Variants in SLC24A2 observed in about 807,000 individuals in gnomAD.
The protein encoded by SLC24A2 is solute carrier family 24 member 2.
A neutral mutation model predicts 62.0 loss-of-function variants in SLC24A2; 36 were observed. The ratio of observed to expected loss-of-function variants is 0.58; its 90% CI spans 0.44 to 0.77. SLC24A2 has a LOEUF of 0.77. Ranked by LOEUF, SLC24A2 falls within the 30% of genes least tolerant of loss-of-function variation. SLC24A2 has a pLI of 0.00. For missense variants in SLC24A2, 846 were observed against 817.9 expected (o/e 1.03, Z -0.42); for synonymous variants, 358 against 294.0 (o/e 1.22, Z -2.23).
upstream of SLC24A2, chr9:19,789,044 C>T: frequency 1.4e-6 from 1 of 723,152 alleles, no homozygotes; most frequent in Non-Finnish European, 1.7e-6. Context: ...GACTGAGCCG[C>T]TGTGAGCCCG....
intron 2 of SLC24A2, among the ~76,000 whole-genome samples, chr9:19,703,479 G>A (rs1820416784): frequency 6.6e-6 from 1 of 152,142 alleles, no homozygotes; most frequent in Non-Finnish European, 1.5e-5. Flanking sequence ...AGGGACCAAA[G>A]TCATATATTT....
At chr9:19,715,386 G>T (rs1282419723) in intron 2 of SLC24A2, among the ~76,000 whole-genome samples, 1 of 152,154 alleles carries the variant, frequency 6.6e-6, no homozygotes, top group African/African-American at 2.4e-5. Context: ...GCTGGAGAGG[G>T]ACCGAGTATC....
At chr9:20,077,864 T>C in the SLC24A2 span, among the ~76,000 whole-genome samples, 2 of 152,216 alleles carry the variant, frequency 1.3e-5, no homozygotes, top group African/African-American at 4.8e-5. Context: ...AGGGTGACTT[T>C]TCTACCCATT....
rs569458031 is a variant in SLC24A2, at chr9:19,554,386, A to G, written c.1348-4118T>C. ...AGGCATTCTAAGCAATCTAGAGATG[A>G]TTTAAAGGATATGGGAGGATATATA... On this transcript the variant is annotated intron_variant, in intron 7 of 10. Transcript: ENST00000341998. 2.9e-3 allele frequency among the ~76,000 whole-genome samples: 437 copies of G among 152,328 alleles called. 3 individuals carry two copies. The highest frequency in any genetic ancestry group is 9.9e-3 in the African/African-American group (413 of 41,576).
the SLC24A2 span, among the ~76,000 whole-genome samples, chr9:20,055,477 T>A: frequency 6.6e-6 from 1 of 152,170 alleles, no homozygotes; most frequent in Non-Finnish European, 1.5e-5. Flanking sequence ...GTAAATTTCA[T>A]AACAACTCTT....
chr9:19,788,919 C>T lies in SLC24A2; in HGVS notation c.-188G>A, dbSNP rs1055022707. 5 of 985,094 alleles carry T rather than the reference C, an allele frequency of 5.1e-6. No homozygotes were observed. The highest frequency in any genetic ancestry group is 9.4e-5 in the South Asian group (2 of 21,284). 61.0% of individuals were successfully genotyped at this position (985,094 alleles called of 1,614,324 possible). Reference sequence around the variant, plus strand: ...ATGGGAGGACGCGCACACGGCGGGGCCCCCGAGCGCGGCCCGCCGCTCCAG... The same window carrying T: ...ATGGGAGGACGCGCACACGGCGGGGTCCCCGAGCGCGGCCCGCCGCTCCAG... On this transcript the variant is annotated 5_prime_UTR_variant, in exon 1 of 11. Coordinates refer to ENST00000341998, the MANE Select transcript of SLC24A2 (RefSeq NM_020344.4).
intron 2 of SLC24A2, among the ~76,000 whole-genome samples, chr9:19,641,834 A>G (rs1587082262): frequency 2.0e-5 from 3 of 152,304 alleles, no homozygotes; most frequent in South Asian, 2.1e-4. Flanking sequence ...TGGCACTACC[A>G]TTCTACTCAG....
the SLC24A2 span, among the ~76,000 whole-genome samples, chr9:20,213,874 A>G: frequency 6.6e-6 from 1 of 152,196 alleles, no homozygotes; most frequent in Non-Finnish European, 1.5e-5. Flanking sequence ...CAACATTGTA[A>G]GATAGGTATT....
At chr9:19,899,962 G>A in the SLC24A2 span, among the ~76,000 whole-genome samples, 2 of 152,182 alleles carry the variant, frequency 1.3e-5, no homozygotes, top group African/African-American at 4.8e-5. Context: ...TTCAAGATGA[G>A]ATGTGTGTGG....
the SLC24A2 span, among the ~76,000 whole-genome samples, chr9:19,946,257 C>T: frequency 6.6e-5 from 10 of 152,230 alleles, no homozygotes; most frequent in South Asian, 1.0e-3. Flanking sequence ...GAGTCTGATT[C>T]CTGCCTGACA....
intron 9 of SLC24A2, 142 bp from the exon 10 acceptor site, chr9:19,521,202 C>T: frequency 2.6e-6 from 2 of 766,600 alleles, no homozygotes; most frequent in Non-Finnish European, 4.5e-6. Flanking sequence ...ATGAATAAGC[C>T]ACAGTCATTG....
chr9:20,225,096 G>A, the SLC24A2 span, among the ~76,000 whole-genome samples: 1 of 151,968 alleles, frequency 6.6e-6, no homozygotes. Context: ...TTCCTTACAG[G>A]TTTTCCCTAG....
intron 2 of SLC24A2, among the ~76,000 whole-genome samples, chr9:19,636,319 C>CTTTTCTTTTCTTTTCT (rs1554690372): frequency 3.2e-4 from 14 of 43,466 alleles, no homozygotes; most frequent in Non-Finnish European, 4.1e-4. Context: ...CTTTTCTTTT[C>CTTTTCTTTTCTTTTCT]TTTCTTTCTT....
chr9:19,932,121 CA>C, the SLC24A2 span, among the ~76,000 whole-genome samples: 1 of 152,088 alleles, frequency 6.6e-6, no homozygotes, highest in Non-Finnish European at 1.5e-5. Flanking sequence ...AGAATAAATT[CA>C]TGCAGTAAAA....
chr9:19,896,488 C>G, the SLC24A2 span, among the ~76,000 whole-genome samples: 55 of 152,328 alleles, frequency 3.6e-4, no homozygotes, highest in African/African-American at 1.3e-3. Context: ...ATTATCATCT[C>G]CAGCATACAT....
chr9:20,075,479 T>C, the SLC24A2 span, among the ~76,000 whole-genome samples: 1 of 152,222 alleles, frequency 6.6e-6, no homozygotes, highest in Non-Finnish European at 1.5e-5. Flanking sequence ...AACTTGTGGA[T>C]GGCCAATCAA....
the SLC24A2 span, among the ~76,000 whole-genome samples, chr9:19,940,482 T>C: frequency 6.6e-6 from 1 of 152,236 alleles, no homozygotes; most frequent in South Asian, 2.1e-4. Context: ...GTCAACTTCC[T>C]CGTGTAGAAT....
intron 2 of SLC24A2, among the ~76,000 whole-genome samples, chr9:19,731,966 A>C (rs185499162): frequency 2.0e-5 from 3 of 152,296 alleles, no homozygotes; most frequent in Admixed American, 1.3e-4. Context: ...TGAGTATGAC[A>C]ATATCTACCA....
chr9:19,729,058 G>C (rs1408698897), intron 2 of SLC24A2, among the ~76,000 whole-genome samples: 1 of 152,054 alleles, frequency 6.6e-6, no homozygotes, highest in Non-Finnish European at 1.5e-5. Context: ...AATGTCTGGT[G>C]CATGAATAAG....
Sources: allele counts gnomAD v4.1 joint callset (sites outside exome capture counted in the v4.1 genomes callset), GRCh38; gene constraint gnomAD v4.1.1; transcripts MANE v1.5; gene names NCBI Gene and HGNC (gene_info 2026-07-23, HGNC 2026-07-21).